Variants in GPR39 observed in about 807,000 individuals in gnomAD.
GPR39 encodes the protein G protein-coupled receptor 39.
A neutral mutation model predicts 18.4 loss-of-function variants in GPR39; 23 were observed. That is an observed-to-expected ratio of 1.25 (90% CI 0.90 to 1.77). The LOEUF is 1.77. Ranked by LOEUF, GPR39 falls within the 40% of genes most tolerant of loss-of-function variation. The pLI, the probability that GPR39 is intolerant of heterozygous loss-of-function variation, is 0.00. For missense variants in GPR39, 647 were observed against 602.4 expected (o/e 1.07, Z -0.78); for synonymous variants, 280 against 257.9 (o/e 1.09, Z -0.82).
intron 1 of GPR39, among the ~76,000 whole-genome samples, chr2:132,608,082 C>T (rs548494116): frequency 3.3e-5 from 5 of 152,144 alleles, no homozygotes; most frequent in Middle Eastern, 3.4e-3. Flanking sequence ...GGAAGATCAG[C>T]AATTTCAGGG....
intron 1 of GPR39, among the ~76,000 whole-genome samples, chr2:132,587,822 A>G (rs909776138): frequency 1.3e-5 from 2 of 152,228 alleles, no homozygotes; most frequent in African/African-American, 4.8e-5. Flanking sequence ...GGCATGAGCC[A>G]CTGCGCCCAG....
At chr2:132,423,630 TC>T (rs766172597) in intron 1 of GPR39, among the ~76,000 whole-genome samples, 18 of 152,052 alleles carry the variant, frequency 1.2e-4, no homozygotes, top group Admixed American at 9.2e-4. Flanking sequence ...CCCACTTCCA[TC>T]CCCTTCCCCA....
chr2:132,622,944 T>G (rs192700896), intron 1 of GPR39, among the ~76,000 whole-genome samples: 2 of 152,252 alleles, frequency 1.3e-5, no homozygotes, highest in Admixed American at 1.3e-4. Flanking sequence ...AAACCCTGTC[T>G]GTACTAAAAA....
chr2:132,582,303 G>T (rs1475561523), intron 1 of GPR39, among the ~76,000 whole-genome samples: 1 of 152,236 alleles, frequency 6.6e-6, no homozygotes, highest in Admixed American at 6.5e-5. Flanking sequence ...AACAGAGACT[G>T]CAGTGTTAAA....
chr2:132,523,324 C>G (rs923269850), intron 1 of GPR39, among the ~76,000 whole-genome samples: 1 of 152,200 alleles, frequency 6.6e-6, no homozygotes, highest in African/African-American at 2.4e-5. Flanking sequence ...GTGGGACTAT[C>G]TCAGAAAACA....
chr2:132,500,329 G>A lies in GPR39; in HGVS notation c.856+82431G>A, dbSNP rs914554631. On this transcript the variant is annotated intron_variant, in intron 1 of 1. Coordinates refer to ENST00000329321, the MANE Select transcript of GPR39 (RefSeq NM_001508.3). ...TTTTGTCAAATGCTTTTTCTGTATGGAGATGATCACATGATATTTGTTTTT... is the reference window on the plus strand; with the variant it reads ...TTTTGTCAAATGCTTTTTCTGTATGAAGATGATCACATGATATTTGTTTTT... Among the ~76,000 whole-genome samples the A allele has an allele frequency of 5.9e-5, 9 of 151,972 alleles. No homozygotes were observed. In the South Asian group the frequency reaches 8.3e-4, roughly 14 times the overall value.
At chr2:132,608,632 C>A (rs2104847736) in intron 1 of GPR39, among the ~76,000 whole-genome samples, 1 of 152,324 alleles carries the variant, frequency 6.6e-6, no homozygotes, top group Non-Finnish European at 1.5e-5. Context: ...ACCCTGCAAA[C>A]AATAAAGTAG....
chr2:132,637,295 C>T (rs1681779134), intron 1 of GPR39, among the ~76,000 whole-genome samples: 1 of 152,220 alleles, frequency 6.6e-6, no homozygotes, highest in Non-Finnish European at 1.5e-5. Flanking sequence ...GAAGCTTGTA[C>T]AGCAGAATGA....
chr2:132,524,295 G>A (rs924486248), intron 1 of GPR39, among the ~76,000 whole-genome samples: 2 of 152,168 alleles, frequency 1.3e-5, no homozygotes, highest in African/African-American at 4.8e-5. Context: ...ATGGGAGGAG[G>A]CTTTACCTGG....
At chr2:132,501,971 A>T (rs567180168) in intron 1 of GPR39, among the ~76,000 whole-genome samples, 85 of 152,064 alleles carry the variant, frequency 5.6e-4, no homozygotes, top group Non-Finnish European at 1.1e-3. Flanking sequence ...GTGAGTACTT[A>T]TGTGTTAGAT....
intron 1 of GPR39, among the ~76,000 whole-genome samples, chr2:132,487,938 AG>A (rs1681374761): frequency 6.6e-6 from 1 of 152,210 alleles, no homozygotes; most frequent in African/African-American, 2.4e-5. Flanking sequence ...AATCTCAAGA[AG>A]GTCACATCAA....
At chr2:132,622,800 C>T (rs1255802730) in intron 1 of GPR39, among the ~76,000 whole-genome samples, 1 of 152,118 alleles carries the variant, frequency 6.6e-6, no homozygotes, top group African/African-American at 2.4e-5. Context: ...AAAAGTGAGC[C>T]ACATTGTAGT....
chr2:132,552,851 CAT>C lies in GPR39; in HGVS notation c.857-92240_857-92239del, dbSNP rs60060171. On this transcript the variant is annotated intron_variant, in intron 1 of 1. Transcript: ENST00000329321. ...ATATATACATATATATATATACACACATATATATATACATATATATACACATA... is the reference window on the plus strand; with the variant it reads ...ATATATACATATATATATATACACACATATATATACATATATATACACATA... Among the ~76,000 whole-genome samples, 80 of 138,798 alleles carry C rather than the reference CAT, an allele frequency of 5.8e-4. 1 individual carries two copies. Among genetic ancestry groups the C allele is most frequent in the African/African-American group, 1.3e-3 (48 of 36,208 alleles). The allele number at this position is 138,798 out of a possible 152,430, so 91.1% of individuals were successfully genotyped here. A position where few individuals can be genotyped will look rare whatever the true frequency, so the allele number is the denominator to read the frequency against.
chr2:132,565,918 T>C (rs1680342763), intron 1 of GPR39, among the ~76,000 whole-genome samples: 1 of 148,200 alleles, frequency 6.7e-6, no homozygotes, highest in African/African-American at 2.5e-5. Context: ...ATATACCCAG[T>C]AATGGGATGG....
rs1236045625 is a variant in GPR39 at position 132,513,947 on chromosome 2, A to G, written c.856+96049A>G. 2.0e-5 allele frequency among the ~76,000 whole-genome samples: 3 copies of G among 152,156 alleles called. No homozygotes were observed. In the East Asian group the frequency reaches 5.8e-4, roughly 29 times the overall value. ...CTAGGCTAGTGAATATTCAATTTAA[A>G]CTAAGTTAAATTATCTAATAGAGCT... On this transcript the variant is annotated intron_variant, in intron 1 of 1. Transcript: ENST00000329321.
At chr2:132,587,206 G>T (rs1308075949) in intron 1 of GPR39, among the ~76,000 whole-genome samples, 1 of 152,224 alleles carries the variant, frequency 6.6e-6, no homozygotes, top group Non-Finnish European at 1.5e-5. Context: ...CTGGAAGTGG[G>T]AGCTGTCAAG....
chr2:132,430,129 G>A (rs1680198244), intron 1 of GPR39, among the ~76,000 whole-genome samples: 2 of 152,214 alleles, frequency 1.3e-5, no homozygotes, highest in South Asian at 4.1e-4. Context: ...CACAGGTGTG[G>A]AAGTGATCAT....
intron 1 of GPR39, among the ~76,000 whole-genome samples, chr2:132,420,034 T>G (rs949745711): frequency 3.3e-5 from 5 of 152,240 alleles, no homozygotes; most frequent in Admixed American, 1.3e-4. Context: ...GGATAGGACC[T>G]TGGAGATCAT....
intron 1 of GPR39, among the ~76,000 whole-genome samples, chr2:132,591,786 C>T (rs1445485754): frequency 6.6e-6 from 1 of 152,036 alleles, no homozygotes; most frequent in East Asian, 1.9e-4. Context: ...TGGTAGTTTC[C>T]AGTTTGGGGA....
Sources: gnomAD v4.1 joint callset for allele counts (sites outside exome capture counted in the v4.1 genomes callset) on GRCh38, gnomAD v4.1.1 for gene constraint, MANE v1.5 for transcripts, NCBI Gene and HGNC (gene_info 2026-07-23, HGNC 2026-07-21) for gene names.